QRICH1: variants seen among roughly 807,000 people sequenced by gnomAD.
QRICH1 encodes glutamine rich 1.
Under a neutral mutation model 87.1 loss-of-function variants are expected in QRICH1, and 16 were observed. That is an observed-to-expected ratio of 0.18 (90% confidence interval 0.12 to 0.28). The LOEUF (loss-of-function observed/expected upper bound fraction) is 0.28, where lower values mean the gene tolerates loss of function less well. Ranked by LOEUF, QRICH1 falls within the 10% of genes least tolerant of loss-of-function variation. QRICH1 has a pLI of 1.00. For synonymous variants in QRICH1, 367 were observed against 368.4 expected (o/e 1.00, Z 0.05); for missense variants, 647 against 951.7 (o/e 0.68, Z 4.21).
chr3:49,059,691 G>T (rs1432174102), intron 2 of QRICH1, among the ~76,000 whole-genome samples: 1 of 150,648 alleles, frequency 6.6e-6, no homozygotes, highest in Non-Finnish European at 1.5e-5. Context: ...CAAAGTGCTG[G>T]GATTACAGGC....
intron 6 of QRICH1, among the ~76,000 whole-genome samples, chr3:49,040,404 T>TG (rs1242107157): frequency 1.3e-5 from 2 of 152,180 alleles, no homozygotes; most frequent in African/African-American, 4.8e-5. Flanking sequence ...GCCCAGGAGT[T>TG]GGAGACCTGC....
In QRICH1 at chr3:49,035,911, C is replaced by CAAA. The variant is rs761180733; in HGVS notation, c.1787-2686_1787-2684dup. Among the ~76,000 whole-genome samples, 190 of 60,022 alleles carry CAAA rather than the reference C, an allele frequency of 3.2e-3. 2 individuals are homozygous for CAAA. Among genetic ancestry groups the CAAA allele is most frequent in the Admixed American group, 6.0e-3 (28 of 4,688 alleles). The allele number at this position is 60,022 out of a possible 152,430, so 39.4% of individuals were successfully genotyped here. On this transcript the variant is annotated intron_variant, in intron 6 of 9. Transcript: ENST00000395443. ...ACAACATGGCAAAACCCCATTTCTA[C>CAAA]AAAAAAAAAAAAAAAAACAAAAACT...
chr3:49,042,078 T>A (rs911298006), intron 6 of QRICH1, among the ~76,000 whole-genome samples: 1 of 146,352 alleles, frequency 6.8e-6, no homozygotes, highest in East Asian at 2.0e-4. Context: ...CAGACTGTGT[T>A]TTTTTTTTTT....
chr3:49,092,765 C>G (rs896720630), intron 1 of QRICH1, among the ~76,000 whole-genome samples: 1 of 152,156 alleles, frequency 6.6e-6, no homozygotes, highest in African/African-American at 2.4e-5. Flanking sequence ...GACTGAAATC[C>G]TACACCAAAA....
intron 3 of QRICH1, among the ~76,000 whole-genome samples, chr3:49,047,631 G>A (rs2093346382): frequency 6.6e-6 from 1 of 151,888 alleles, no homozygotes; most frequent in Non-Finnish European, 1.5e-5. Context: ...TTACAGGCAT[G>A]CACCAACACG....
At chr3:49,053,802 G>C (rs977051531) in intron 3 of QRICH1, among the ~76,000 whole-genome samples, 7 of 152,260 alleles carry the variant, frequency 4.6e-5, no homozygotes, top group Non-Finnish European at 8.8e-5. Context: ...TTTCATAAAA[G>C]GTATGGCCCT....
chr3:49,087,438 G>C (rs541884518), intron 1 of QRICH1, among the ~76,000 whole-genome samples: 4 of 151,738 alleles, frequency 2.6e-5, no homozygotes, highest in Non-Finnish European at 5.9e-5. Flanking sequence ...CCAGCTACTA[G>C]GGAAGCTGAG....
intron 2 of QRICH1, among the ~76,000 whole-genome samples, chr3:49,070,346 C>T (rs925205677): frequency 2.0e-5 from 3 of 151,494 alleles, no homozygotes; most frequent in African/African-American, 7.3e-5. Flanking sequence ...CCTTTCATCA[C>T]CTAATTCTGT....
At chr3:49,081,416 T>TAA (rs771412819) in intron 1 of QRICH1, among the ~76,000 whole-genome samples, 69 of 135,256 alleles carry the variant, frequency 5.1e-4, no homozygotes, top group Admixed American at 8.9e-4. Context: ...GACTCCATCT[T>TAA]AAAAAAAAAA....
chr3:49,076,216 C>A (rs1482145216), intron 2 of QRICH1, among the ~76,000 whole-genome samples: 1 of 152,198 alleles, frequency 6.6e-6, no homozygotes, highest in Non-Finnish European at 1.5e-5. Context: ...ACAAAGAAAA[C>A]AACCCAAGTA....
At chr3:49,065,899 G>C (rs982153255) in intron 2 of QRICH1, among the ~76,000 whole-genome samples, 1 of 152,126 alleles carries the variant, frequency 6.6e-6, no homozygotes, top group East Asian at 1.9e-4. Context: ...TAGCCAGGAT[G>C]GTCTCGATCT....
chr3:49,093,378 C>G (rs771966696), intron 1 of QRICH1: 1 of 152,224 alleles, frequency 6.6e-6, no homozygotes, highest in Non-Finnish European at 1.5e-5. Flanking sequence ...GCCACGGATG[C>G]CCGGGAACGT....
chr3:49,074,445 G>A (rs62262510), intron 2 of QRICH1, among the ~76,000 whole-genome samples: 7,662 of 151,440 alleles, frequency 0.051, 264 homozygotes, highest in Non-Finnish European at 0.077. Flanking sequence ...GGTGGCTGGC[G>A]CCTGTAGTCC....
intron 2 of QRICH1, among the ~76,000 whole-genome samples, chr3:49,062,932 G>A (rs1056369549): frequency 7.2e-5 from 11 of 151,726 alleles, no homozygotes; most frequent in Admixed American, 2.0e-4. Flanking sequence ...CCTGGGAGGC[G>A]GAGTTTGCAG....
rs2093224295 is a variant in QRICH1 at position 49,029,998 on chromosome 3, A to G, written c.*454T>C. 1 of 218,484 alleles carries G rather than the reference A, an allele frequency of 4.6e-6. No homozygotes were observed. Among genetic ancestry groups the G allele is most frequent in the Non-Finnish European group, 8.9e-6 (1 of 111,794 alleles). The allele number at this position is 218,484 out of a possible 1,614,324, so 13.5% of individuals were successfully genotyped here. On this transcript the variant is annotated 3_prime_UTR_variant, in exon 10 of 10. Transcript: ENST00000395443. Reference sequence around the variant, plus strand: ...TCATTTTTCTTCCATTAAGATGCTAAGTTTATGTCTGATCATGAAGAAAGA... The same window carrying G: ...TCATTTTTCTTCCATTAAGATGCTAGGTTTATGTCTGATCATGAAGAAAGA...
At chr3:49,036,508 G>A (rs1026677785) in intron 6 of QRICH1, among the ~76,000 whole-genome samples, 9 of 152,142 alleles carry the variant, frequency 5.9e-5, no homozygotes, top group African/African-American at 2.2e-4. Context: ...GCTTCTAATG[G>A]CCAATGATGG....
At chr3:49,066,326 T>C (rs761385009) in intron 2 of QRICH1, among the ~76,000 whole-genome samples, 44 of 152,070 alleles carry the variant, frequency 2.9e-4, no homozygotes, top group Non-Finnish European at 4.3e-4. Flanking sequence ...GAACCACTAC[T>C]ATTGGGTTAA....
At chr3:49,036,796 C>T (rs1309442482) in intron 6 of QRICH1, among the ~76,000 whole-genome samples, 1 of 152,052 alleles carries the variant, frequency 6.6e-6, no homozygotes, top group Non-Finnish European at 1.5e-5. Context: ...GGAACAGTGG[C>T]TCATGCCTGT....
At chr3:49,048,161 C>T (rs1172862034) in intron 3 of QRICH1, among the ~76,000 whole-genome samples, 3 of 148,156 alleles carry the variant, frequency 2.0e-5, no homozygotes, top group Non-Finnish European at 4.5e-5. Context: ...GAAAGAGTTT[C>T]GCTCTTGTTC....
Sources: allele counts gnomAD v4.1 joint callset (sites outside exome capture counted in the v4.1 genomes callset), GRCh38; gene constraint gnomAD v4.1.1; transcripts MANE v1.5; gene names NCBI Gene and HGNC (gene_info 2026-07-23, HGNC 2026-07-21).